The following GRIK4 variants were observed in gnomAD, a reference collection of about 807,000 sequenced individuals.
GRIK4 encodes the protein glutamate receptor ionotropic, kainate 4.
In GRIK4, 40 loss-of-function variants were observed where a neutral mutation model predicts 104.9. The observed-to-expected ratio is 0.38, with a 90% CI of 0.30 to 0.50. GRIK4 has a LOEUF of 0.50. GRIK4 is among the 20% of genes least tolerant of loss of function. The pLI, the probability that GRIK4 is intolerant of heterozygous loss-of-function variation, is 0.93. For synonymous variants in GRIK4, 485 were observed against 524.9 expected (o/e 0.92, Z 1.04); for missense variants, 1,047 against 1,308.1 (o/e 0.80, Z 3.08).
At chr11:120,547,028 C>T (rs918477373) in intron 1 of GRIK4, among the ~76,000 whole-genome samples, 18 of 152,232 alleles carry the variant, frequency 1.2e-4, no homozygotes, top group African/African-American at 1.9e-4. Context: ...CGTACCTCCC[C>T]GGCACCCTGC....
At chr11:120,820,864 C>G (rs946686857) in intron 6 of GRIK4, among the ~76,000 whole-genome samples, 4 of 152,216 alleles carry the variant, frequency 2.6e-5, no homozygotes, top group African/African-American at 9.6e-5. Flanking sequence ...CCTACTTTCC[C>G]AGACCTCTGT....
intron 3 of GRIK4, among the ~76,000 whole-genome samples, chr11:120,690,785 C>T (rs994023232): frequency 6.6e-6 from 1 of 152,222 alleles, no homozygotes; most frequent in Non-Finnish European, 1.5e-5. Context: ...ATTTAACTTT[C>T]TCTTATTTTA....
chr11:120,721,343 A>G (rs994565887), intron 3 of GRIK4, among the ~76,000 whole-genome samples: 3 of 152,226 alleles, frequency 2.0e-5, no homozygotes, highest in Admixed American at 2.0e-4. Context: ...CAAGAGAATT[A>G]GAACCATGGC....
chr11:120,738,253 G>T (rs189627342), intron 3 of GRIK4, among the ~76,000 whole-genome samples: 74 of 152,354 alleles, frequency 4.9e-4, no homozygotes, highest in African/African-American at 1.8e-3. Flanking sequence ...GATTACCCAT[G>T]GACTTTGGTG....
chr11:120,957,025 C>A, intron 16 of GRIK4, 72 bp downstream of exon 16: 1 of 1,320,312 alleles, frequency 7.6e-7, no homozygotes, highest in Non-Finnish European at 1.0e-6. Flanking sequence ...GATAAGCCGG[C>A]TCTAGCTTCT....
intron 1 of GRIK4, among the ~76,000 whole-genome samples, chr11:120,516,915 G>A (rs1215198470): frequency 6.6e-6 from 1 of 152,082 alleles, no homozygotes; most frequent in African/African-American, 2.4e-5. Context: ...ACCCTGGGCG[G>A]CGGCTGCTGC....
chr11:120,757,176 A>G (rs186507237), intron 3 of GRIK4, among the ~76,000 whole-genome samples: 8 of 152,248 alleles, frequency 5.3e-5, no homozygotes, highest in Admixed American at 5.2e-4. Flanking sequence ...CCCCACAGAG[A>G]TACTGCTGGA....
chr11:120,691,542 C>T (rs1315581905), intron 3 of GRIK4, among the ~76,000 whole-genome samples: 1 of 152,198 alleles, frequency 6.6e-6, no homozygotes, highest in African/African-American at 2.4e-5. Context: ...TGGACATGGG[C>T]TGTGAGATGA....
At chr11:120,941,455 CTGTGATGGGGGT>C (rs1943722350) in intron 14 of GRIK4, among the ~76,000 whole-genome samples, 1 of 152,168 alleles carries the variant, frequency 6.6e-6, no homozygotes, top group Non-Finnish European at 1.5e-5. Context: ...GCTCCCAACC[CTGTGATGGGGGT>C]TGTTGTTAAG....
intron 12 of GRIK4, among the ~76,000 whole-genome samples, chr11:120,898,920 G>A (rs1037791175): frequency 3.9e-5 from 6 of 152,186 alleles, no homozygotes; most frequent in Non-Finnish European, 7.3e-5. Context: ...AGGAGGAAGG[G>A]AAGGGGACCT....
Position 120,549,935 on chromosome 11 carries a change from C to G in GRIK4, c.-159+38048C>G, listed in dbSNP as rs189115027. 8.3e-4 allele frequency among the ~76,000 whole-genome samples: 126 copies of G among 152,334 alleles called. No individual in the cohort carries two copies. The Middle Eastern group carries it at 0.01, about 12-fold the overall frequency. ...GCCATTTTGCTATCAATAAATTACT[C>G]TTTATCATTTAAGGCAGTTTGAGTT... On this transcript the variant is annotated intron_variant, in intron 1 of 20. Coordinates refer to ENST00000527524, the MANE Select transcript of GRIK4 (RefSeq NM_014619.5). The surrounding 1 kb of genome is among the most constrained non-coding windows in gnomAD (Gnocchi z 4.7).
At chr11:120,519,575 T>C (rs1248493470) in intron 1 of GRIK4, among the ~76,000 whole-genome samples, 1 of 152,232 alleles carries the variant, frequency 6.6e-6, no homozygotes, top group African/African-American at 2.4e-5. Flanking sequence ...CTACCCAGTT[T>C]ATGGTATTTT....
intron 1 of GRIK4, among the ~76,000 whole-genome samples, chr11:120,534,496 C>T (rs920614900): frequency 5.9e-5 from 9 of 152,012 alleles, no homozygotes; most frequent in African/African-American, 9.7e-5. Flanking sequence ...GATGACGGAG[C>T]GCTGAGAACC....
Position 120,678,185 on chromosome 11 carries a change from A to T in GRIK4, c.82+17785A>T, listed in dbSNP as rs182371462. 2.0e-4 allele frequency among the ~76,000 whole-genome samples: 31 copies of T among 152,334 alleles called. No homozygotes were observed. The East Asian group carries it at 5.8e-3, about 28-fold the overall frequency. On this transcript the variant is annotated intron_variant, in intron 3 of 20. Transcript: ENST00000527524. ...TTGAGGTCTGCCCAAGACCCATGGG[A>T]CAACCTCCGTTTCTTTAGGGCAGAC...
At chr11:120,601,897 T>C (rs946626465) in intron 1 of GRIK4, among the ~76,000 whole-genome samples, 2 of 152,122 alleles carry the variant, frequency 1.3e-5, no homozygotes, top group Non-Finnish European at 1.5e-5. Flanking sequence ...GAGCTTCTTA[T>C]ATAGTTTTCT....
At chr11:120,564,173 C>G (rs1457021200) in intron 1 of GRIK4, among the ~76,000 whole-genome samples, 10 of 152,134 alleles carry the variant, frequency 6.6e-5, no homozygotes, top group African/African-American at 2.4e-4. Context: ...CCCACGTGCG[C>G]GCTAGGCCTT....
chr11:120,649,132 A>C (rs1053448191), intron 1 of GRIK4, among the ~76,000 whole-genome samples: 1 of 152,174 alleles, frequency 6.6e-6, no homozygotes, highest in African/African-American at 2.4e-5. Context: ...CTCTAGTGGC[A>C]TAGGTCTCCG....
intron 11 of GRIK4, 54 bp downstream of exon 11, chr11:120,875,297 T>C (rs1954752986): frequency 3.4e-5 from 38 of 1,124,192 alleles, no homozygotes; most frequent in South Asian, 2.9e-4. Context: ...TTCCATTTCA[T>C]TGATGCCTCG....
At chr11:120,547,049 C>T (rs984465585) in intron 1 of GRIK4, among the ~76,000 whole-genome samples, 9 of 152,254 alleles carry the variant, frequency 5.9e-5, no homozygotes, top group African/African-American at 2.2e-4. Context: ...CCCTTGGGCT[C>T]TGGCAGCGCT....
Sources: gnomAD v4.1 joint callset for allele counts (sites outside exome capture counted in the v4.1 genomes callset) on GRCh38, gnomAD v4.1.1 for gene constraint, Gnocchi (gnomAD v3.1) non-coding constraint, MANE v1.5 for transcripts, NCBI Gene and HGNC (gene_info 2026-07-23, HGNC 2026-07-21) for gene names.